ZFAT: variants seen among roughly 807,000 people sequenced by gnomAD.
The protein encoded by ZFAT is zinc finger protein ZFAT.
ZFAT carries 64 observed loss-of-function variants against 117.7 expected under a neutral mutation model. The observed-to-expected ratio is 0.54, with a 90% CI of 0.44 to 0.67. ZFAT has a LOEUF of 0.67. Ranked by LOEUF, ZFAT falls within the 30% of genes least tolerant of loss-of-function variation. The pLI is 0.00. For synonymous variants in ZFAT, 679 were observed against 615.0 expected (o/e 1.10, Z -1.54); for missense variants, 1,433 against 1,584.5 (o/e 0.90, Z 1.62).
the ZFAT span, among the ~76,000 whole-genome samples, chr8:134,786,404 G>A: frequency 6.6e-5 from 10 of 152,166 alleles, no homozygotes; most frequent in South Asian, 6.2e-4. Context: ...ATCATTTATC[G>A]TACTAATACG....
chr8:134,702,828 C>T (rs747014867), intron 1 of ZFAT, among the ~76,000 whole-genome samples: 5 of 152,132 alleles, frequency 3.3e-5, no homozygotes, highest in Admixed American at 6.5e-5. Flanking sequence ...CCCACCACCA[C>T]GTCCAGCTAA....
intron 10 of ZFAT, among the ~76,000 whole-genome samples, chr8:134,571,197 C>T (rs542602554): frequency 3.3e-5 from 5 of 152,320 alleles, no homozygotes; most frequent in African/African-American, 9.6e-5. Flanking sequence ...AACTGCAACA[C>T]GCCACGAAGG....
chr8:134,676,633 C>A (rs149464726), intron 1 of ZFAT, among the ~76,000 whole-genome samples: 1 of 152,198 alleles, frequency 6.6e-6, no homozygotes, highest in Admixed American at 6.5e-5. Context: ...CCCAAATCAA[C>A]AGAATAAACA....
intron 12 of ZFAT, among the ~76,000 whole-genome samples, chr8:134,529,120 C>T (rs549428240): frequency 2.0e-5 from 3 of 152,230 alleles, no homozygotes; most frequent in Non-Finnish European, 4.4e-5. Context: ...GGTCCAAGGT[C>T]CACAGTGATC....
At chr8:134,604,360 C>G (rs11774218) in intron 5 of ZFAT, among the ~76,000 whole-genome samples, 63,285 of 152,148 alleles carry the variant, frequency 0.42, 13,589 homozygotes, top group Admixed American at 0.55. Context: ...ATCACTGACA[C>G]GCAGCGACCC....
the ZFAT span, among the ~76,000 whole-genome samples, chr8:134,790,842 C>G: frequency 6.6e-6 from 1 of 151,490 alleles, no homozygotes; most frequent in Non-Finnish European, 1.5e-5. Context: ...CAGTGAGACT[C>G]CATCTCTACA....
At chr8:134,693,433 T>C (rs1833679682) in intron 1 of ZFAT, among the ~76,000 whole-genome samples, 1 of 152,082 alleles carries the variant, frequency 6.6e-6, no homozygotes, top group Non-Finnish European at 1.5e-5. Context: ...TCTACACAAA[T>C]ATAAATAAAG....
chr8:134,780,857 T>C, the ZFAT span, among the ~76,000 whole-genome samples: 1 of 152,208 alleles, frequency 6.6e-6, no homozygotes, highest in South Asian at 2.1e-4. Context: ...TTATTAGTTA[T>C]TTTTCCTTAT....
At chr8:134,743,863 C>A in the ZFAT span, among the ~76,000 whole-genome samples, 1,646 of 152,256 alleles carry the variant, frequency 0.011, 17 homozygotes, top group African/African-American at 0.037. Context: ...CCAGGGCTGC[C>A]AGAATTAAGA....
chr8:134,602,216 C>T lies in ZFAT; in HGVS notation c.1503G>A (p.Leu501=), dbSNP rs1827540558. The T allele has an allele frequency of 6.2e-7, 1 of 1,613,644 alleles. No individual in the cohort carries two copies. Among genetic ancestry groups the T allele is most frequent in the Non-Finnish European group, 8.5e-7 (1 of 1,180,018 alleles). The change falls in exon 6 of 16, where the codon CTG becomes CTA. Residue 501 remains leucine, a synonymous_variant. Transcript: ENST00000377838. ...CTTGCTGGATGTCCCCACCAGGTTC[C>T]AGGAGGCAGAAGCTCTGGTTGATGG... ...TSSINQSFCL[L]EPGGDIQQEA...
At chr8:134,655,145 G>A (rs994786785) in intron 2 of ZFAT, among the ~76,000 whole-genome samples, 1 of 152,150 alleles carries the variant, frequency 6.6e-6, no homozygotes, top group Non-Finnish European at 1.5e-5. Context: ...ATGAGAGGGA[G>A]GAGAGGGGCA....
chr8:134,614,581 T>C (rs1828586427), intron 3 of ZFAT, among the ~76,000 whole-genome samples: 1 of 152,208 alleles, frequency 6.6e-6, no homozygotes, highest in Non-Finnish European at 1.5e-5. Context: ...TCTTGGAGGT[T>C]GGGTCCATGA....
the ZFAT span, chr8:134,723,913 T>A: frequency 5.5e-4 from 84 of 152,390 alleles, 2 homozygotes; most frequent in African/African-American, 1.9e-3. Flanking sequence ...AAATCTCATA[T>A]ATTGCCTATT....
chr8:134,594,150 AC>A (rs1386614624), intron 7 of ZFAT, among the ~76,000 whole-genome samples: 5 of 152,230 alleles, frequency 3.3e-5, no homozygotes, highest in African/African-American at 1.2e-4. Flanking sequence ...GCTGTTCTAT[AC>A]ACAACTTGCT....
chr8:134,739,705 A>C, the ZFAT span, among the ~76,000 whole-genome samples: 1 of 152,356 alleles, frequency 6.6e-6, no homozygotes, highest in East Asian at 1.9e-4. Flanking sequence ...GGAAATAGAT[A>C]ATTACAAAGA....
the ZFAT span, among the ~76,000 whole-genome samples, chr8:134,781,296 AT>A: frequency 1.3e-5 from 2 of 151,274 alleles, no homozygotes; most frequent in East Asian, 1.9e-4. Flanking sequence ...TAATTTTTTA[AT>A]TTTTTTTTGT....
At chr8:134,522,270 T>A (rs1330326184) in intron 12 of ZFAT, among the ~76,000 whole-genome samples, 6 of 152,188 alleles carry the variant, frequency 3.9e-5, no homozygotes, top group African/African-American at 1.4e-4. Flanking sequence ...CAGTGCCAGA[T>A]CCATCAGACA....
At chr8:134,636,210 T>G (rs1194677592) in intron 3 of ZFAT, among the ~76,000 whole-genome samples, 1 of 152,196 alleles carries the variant, frequency 6.6e-6, no homozygotes, top group Non-Finnish European at 1.5e-5. Context: ...GTGAGGAATT[T>G]AAGAACAGGG....
At chr8:134,810,691 A>G in the ZFAT span, among the ~76,000 whole-genome samples, 1 of 152,216 alleles carries the variant, frequency 6.6e-6, no homozygotes, top group Non-Finnish European at 1.5e-5. Flanking sequence ...AAAACCCTAC[A>G]ACATAAAAGA....
Sources: gnomAD v4.1 joint callset for allele counts (sites outside exome capture counted in the v4.1 genomes callset) on GRCh38, gnomAD v4.1.1 for gene constraint, MANE v1.5 for transcripts, NCBI Gene and HGNC (gene_info 2026-07-23, HGNC 2026-07-21) for gene names.